Variants in CENPE observed in about 807,000 individuals in gnomAD.
CENPE encodes the protein centromere protein E, also known as centromere-associated protein E.
A neutral mutation model predicts 336.1 loss-of-function variants in CENPE; 145 were observed. The ratio of observed to expected loss-of-function variants is 0.43; its 90% CI spans 0.38 to 0.50. The LOEUF (loss-of-function observed/expected upper bound fraction) is 0.50. Ranked by LOEUF, CENPE falls within the 20% of genes least tolerant of loss-of-function variation. The probability of loss-of-function intolerance (pLI) is 0.00; values close to 1 mark genes in which losing one functional copy is unlikely to be tolerated. For missense variants in CENPE, 2,719 were observed against 3,023.3 expected (o/e 0.90, Z 2.36); for synonymous variants, 1,013 against 984.8 (o/e 1.03, Z -0.54).
intron 43 of CENPE, among the ~76,000 whole-genome samples, chr4:103,121,229 T>C (rs1413381196): frequency 1.3e-5 from 2 of 152,186 alleles, no homozygotes; most frequent in East Asian, 3.8e-4. Context: ...AAAAATAGTA[T>C]ACACACAATA....
chr4:103,146,104 G>A lies in CENPE; in HGVS notation c.4138C>T (p.Gln1380Ter). 6.2e-7 allele frequency: 1 copy of A among 1,611,488 alleles called. No homozygotes were observed. Among genetic ancestry groups the A allele is most frequent in the Non-Finnish European group, 8.5e-7 (1 of 1,179,208 alleles). The change falls in exon 30 of 49, where the codon CAG (glutamine) becomes TAG (stop). Residue 1380 changes from glutamine (Q) to a stop codon, truncating the protein, a stop_gained. Coordinates refer to ENST00000265148, the MANE Select transcript of CENPE (RefSeq NM_001813.3). LOFTEE classifies it high-confidence loss of function. ...EHIRETLAKIQESQSKQEQSL... is the reference protein window; with the variant it reads ...EHIRETLAKI ...TGTTCTTGTTTGCTTTGAGACTCCT[G>A]GATCTTAAGAGAATCATAAAACAGT... is the stretch of plus-strand genomic sequence containing the variant.
intron 17 of CENPE, 111 bp from the exon 18 acceptor site, chr4:103,163,367 T>G (rs1754622055): frequency 7.9e-7 from 1 of 1,272,904 alleles, no homozygotes; most frequent in Admixed American, 2.2e-5. Context: ...TCAAAGTCAC[T>G]AATATTTTAA....
In CENPE at chr4:103,145,288, A is replaced by G. The variant is rs1187635971; in HGVS notation, c.4619T>C (p.Ile1540Thr). 1 of 1,599,754 alleles carries G rather than the reference A, an allele frequency of 6.3e-7. No individual in the cohort carries two copies. The highest frequency in any genetic ancestry group is 1.3e-5 in the African/African-American group (1 of 74,432). The change falls in exon 32 of 49, where the codon ATT becomes ACT. Residue 1540 changes from isoleucine (I) to threonine (T), a missense_variant. By Grantham distance (89) the Ile-to-Thr change is moderately conservative. Coordinates refer to ENST00000265148, the MANE Select transcript of CENPE (RefSeq NM_001813.3). ...ATTCACTTTTTCCTGAACCTCACTA[A>G]TTTGTTTTATATTAAATTGTTCCTC... is the stretch of plus-strand genomic sequence containing the variant. ...EKEEQFNIKQ[I>T]SEVQEKVNEL... is the part of the protein sequence containing the mutation.
intron 26 of CENPE, among the ~76,000 whole-genome samples, chr4:103,150,283 A>G (rs1345402832): frequency 6.6e-6 from 1 of 152,130 alleles, no homozygotes; most frequent in Non-Finnish European, 1.5e-5. Context: ...AAGAAAACAC[A>G]TATTAAGAAA....
At chr4:103,129,363 T>C (rs1315589205) in intron 42 of CENPE, among the ~76,000 whole-genome samples, 4 of 152,154 alleles carry the variant, frequency 2.6e-5, no homozygotes, top group Non-Finnish European at 5.9e-5. Context: ...GGAAACTCAT[T>C]CTATGATGTC....
chr4:103,122,263 C>T (rs1275122431), intron 43 of CENPE, among the ~76,000 whole-genome samples: 1 of 152,068 alleles, frequency 6.6e-6, no homozygotes. Flanking sequence ...TTGTAATTTA[C>T]TATTGGGTTC....
intron 46 of CENPE, among the ~76,000 whole-genome samples, chr4:103,111,313 T>G (rs1314815681): frequency 6.6e-6 from 1 of 152,194 alleles, no homozygotes; most frequent in Non-Finnish European, 1.5e-5. Flanking sequence ...CTGCTGTCCT[T>G]TATTGATCTA....
chr4:103,138,253 C>G lies in CENPE; in HGVS notation c.6303+98G>C, dbSNP rs1752236615. 2.4e-5 allele frequency: 19 copies of G among 787,938 alleles called. No individual in the cohort carries two copies. In the South Asian group the frequency reaches 2.6e-4, roughly 11 times the overall value. 48.8% of individuals were successfully genotyped at this position (787,938 alleles called of 1,614,324 possible). A position where few individuals can be genotyped will look rare whatever the true frequency, so the allele number is the denominator to read the frequency against. Reference sequence around the variant, plus strand: ...TGTTTAGAAAAATACTGAGCACTATCTATTTATTCCAGAGGTTCCTTCAAT... The same window carrying G: ...TGTTTAGAAAAATACTGAGCACTATGTATTTATTCCAGAGGTTCCTTCAAT... On this transcript the variant is annotated intron_variant, in intron 39 of 48. Coordinates refer to ENST00000265148, the MANE Select transcript of CENPE (RefSeq NM_001813.3).
intron 42 of CENPE, among the ~76,000 whole-genome samples, chr4:103,125,136 G>A (rs1750980921): frequency 6.6e-6 from 1 of 152,140 alleles, no homozygotes; most frequent in Non-Finnish European, 1.5e-5. Context: ...TAAACAGGAT[G>A]AACTTTCCAA....
At position 103,145,183 on chromosome 4, in the gene CENPE, G is replaced by A; in HGVS notation, c.4724C>T (p.Thr1575Ile). ...QSIESKMLEL[T>I]NRLQESQEEI... ...TTCTTGACTTTCTTGAAGTCTGTTG[G>A]TCAACTCGAGCATCTTACTTTCTAT... The change falls in exon 32 of 49, where the codon ACC becomes ATC. Residue 1575 changes from threonine (T) to isoleucine (I), a missense_variant. By Grantham distance (89) the Thr-to-Ile change is moderately conservative. Coordinates refer to ENST00000265148, the MANE Select transcript of CENPE (RefSeq NM_001813.3). 6.2e-7 allele frequency: 1 copy of A among 1,613,094 alleles called. No homozygotes were observed. Among genetic ancestry groups the A allele is most frequent in the Non-Finnish European group, 8.5e-7 (1 of 1,179,648 alleles).
At chr4:103,115,678 A>G (rs984402161) in intron 45 of CENPE, among the ~76,000 whole-genome samples, 2 of 152,090 alleles carry the variant, frequency 1.3e-5, no homozygotes, top group Non-Finnish European at 1.5e-5. Context: ...GAATGCGAGG[A>G]CCAGAGAGAA....
chr4:103,192,208 A>G (rs1757415773), intron 8 of CENPE, among the ~76,000 whole-genome samples: 2 of 152,130 alleles, frequency 1.3e-5, no homozygotes, highest in South Asian at 2.1e-4. Context: ...CCAGTTAAGG[A>G]GGCTAATTTT....
In CENPE at chr4:103,140,965, A is replaced by G. The variant is rs576435664; in HGVS notation, c.5603T>C (p.Ile1868Thr). The change falls in exon 36 of 49, where the codon ATA becomes ACA. Residue 1868 changes from isoleucine to threonine, a missense_variant. Transcript: ENST00000265148. ...TTTCTGAGCCAAATTTAAATTCTCT[A>G]TTTCTAATTTACTCAGAGTTAAGCT... is the stretch of plus-strand genomic sequence containing the variant. ...DQSLTLSKLE[I>T]ENLNLAQKLH... is the part of the protein sequence containing the mutation. 3.1e-6 allele frequency: 5 copies of G among 1,612,078 alleles called. No homozygotes were observed. Among genetic ancestry groups the G allele is most frequent in the Non-Finnish European group, 4.2e-6 (5 of 1,178,654 alleles).
chr4:103,145,937 A>G lies in CENPE; in HGVS notation c.4305T>C (p.Asp1435=), dbSNP rs1753016454. The G allele has an allele frequency of 6.2e-7, 1 of 1,613,934 alleles. No individual in the cohort carries two copies. The highest frequency in any genetic ancestry group is 8.5e-7 in the Non-Finnish European group (1 of 1,179,944). The part of the protein sequence containing the change: ...GLSKRLQESH[D]EMKSVAKEKD... ...TCTCCTTAGCTACAGATTTCATTTCATCATGACTTTCTTGAAGTCTTTTGG... is the reference window on the plus strand; with the variant it reads ...TCTCCTTAGCTACAGATTTCATTTCGTCATGACTTTCTTGAAGTCTTTTGG... The change falls in exon 30 of 49, where the codon GAT becomes GAC. Residue 1435 remains aspartate (D), a synonymous_variant. Transcript: ENST00000265148.
chr4:103,189,653 C>G (rs1206189775), intron 8 of CENPE, among the ~76,000 whole-genome samples: 19 of 152,032 alleles, frequency 1.2e-4, no homozygotes, highest in African/African-American at 1.7e-4. Context: ...AAAATAATAA[C>G]AGCTATCTAT....
In CENPE at chr4:103,140,364, T is replaced by C; in HGVS notation, c.5805A>G (p.Glu1935=). Residue 1935 remains glutamate, a synonymous_variant, in exon 37 of 49, where the codon GAA becomes GAG. Transcript: ENST00000265148. ...TAAGTTTATCAACAGTTTCTTTGTG[T>C]TCTTTTGATAGCATACGAGCAGTTT... ...ELKTARMLSK[E]HKETVDKLRE... is the part of the protein sequence containing the mutation. 6.2e-7 allele frequency: 1 copy of C among 1,605,824 alleles called. No individual in the cohort carries two copies. The highest frequency in any genetic ancestry group is 8.5e-7 in the Non-Finnish European group (1 of 1,175,992).
At chr4:103,134,416 C>T (rs1282720984) in intron 40 of CENPE, among the ~76,000 whole-genome samples, 1 of 151,984 alleles carries the variant, frequency 6.6e-6, no homozygotes, top group Non-Finnish European at 1.5e-5. Flanking sequence ...GGGCAGATCA[C>T]AAGGTCAGGA....
chr4:103,118,499 A>G (rs1339123658), intron 44 of CENPE, among the ~76,000 whole-genome samples: 2 of 152,122 alleles, frequency 1.3e-5, no homozygotes, highest in African/African-American at 4.8e-5. Flanking sequence ...GATTCTCCTG[A>G]CAGTGTCTTT....
intron 28 of CENPE, among the ~76,000 whole-genome samples, chr4:103,148,473 G>A (rs1753253647): frequency 6.6e-6 from 1 of 152,174 alleles, no homozygotes; most frequent in Non-Finnish European, 1.5e-5. Flanking sequence ...AAAGAACAAT[G>A]TCTTATTTAT....
Sources: allele counts gnomAD v4.1 joint callset (sites outside exome capture counted in the v4.1 genomes callset), GRCh38; gene constraint gnomAD v4.1.1; transcripts MANE v1.5; gene names NCBI Gene and HGNC (gene_info 2026-07-23, HGNC 2026-07-21).